The following PBX3 variants were observed in gnomAD, a reference collection of about 807,000 sequenced individuals.
The protein encoded by PBX3 is pre-B-cell leukemia transcription factor 3.
In PBX3, 14 loss-of-function variants were observed where a neutral mutation model predicts 48.5. The ratio of observed to expected loss-of-function variants is 0.29; its 90% confidence interval spans 0.19 to 0.45. The LOEUF is 0.45. Ranked by LOEUF, PBX3 falls within the 20% of genes least tolerant of loss-of-function variation. The probability of loss-of-function intolerance (pLI) is 1.00; values close to 1 mark genes in which losing one functional copy is unlikely to be tolerated. For synonymous variants in PBX3, 210 were observed against 200.3 expected (o/e 1.05, Z -0.41); for missense variants, 386 against 546.7 (o/e 0.71, Z 2.93).
intron 2 of PBX3, among the ~76,000 whole-genome samples, chr9:125,790,258 C>CTT (rs1215679857): frequency 6.7e-6 from 1 of 149,428 alleles, no homozygotes. Flanking sequence ...TTCTTTCTTT[C>CTT]TTTTTTTTTT....
In PBX3 at chr9:125,962,117, T is replaced by G. The variant is rs766971839; in HGVS notation, c.1025T>G (p.Phe342Cys). Residue 342 changes from phenylalanine (F) to cysteine (C), a missense_variant, in exon 7 of 9, where the codon TTT (phenylalanine) becomes TGT (cysteine). This residue lies in a region of PBX3 where 127 missense variants were observed against 143.3 expected (regional missense o/e 0.89). Coordinates refer to ENST00000373489, the MANE Select transcript of PBX3 (RefSeq NM_006195.6). ...TTPNSGSSGS[F>C]NLPNSGDMFM... The stretch of plus-strand genomic sequence containing the variant: ...TCCTTTCCAGGTTCTTCTGGTTCTT[T>G]TAACCTCCCAAATTCTGGGGACATG... The G allele has an allele frequency of 6.2e-7, 1 of 1,603,688 alleles. No homozygotes were observed. Among genetic ancestry groups the G allele is most frequent in the Non-Finnish European group, 8.5e-7 (1 of 1,170,500 alleles).
chr9:125,785,428 C>G (rs540483736), intron 2 of PBX3, among the ~76,000 whole-genome samples: 1 of 152,210 alleles, frequency 6.6e-6, no homozygotes, highest in South Asian at 2.1e-4. Context: ...TTCTCCCATG[C>G]TGGATGCTTC....
At chr9:125,763,914 A>C (rs746619734) in intron 2 of PBX3, among the ~76,000 whole-genome samples, 5 of 152,182 alleles carry the variant, frequency 3.3e-5, no homozygotes, top group Non-Finnish European at 7.4e-5. Context: ...TTTTTGTGGA[A>C]GCTTAAAAGG....
intron 2 of PBX3, among the ~76,000 whole-genome samples, chr9:125,850,224 C>T (rs1839541940): frequency 6.6e-6 from 1 of 151,912 alleles, no homozygotes; most frequent in South Asian, 2.1e-4. Context: ...AATTTTTGTT[C>T]TTATACCATC....
chr9:125,958,088 GGTA>G (rs1350870138), intron 5 of PBX3, among the ~76,000 whole-genome samples: 4 of 152,094 alleles, frequency 2.6e-5, no homozygotes, highest in East Asian at 3.8e-4. Context: ...ACATAATTCT[GGTA>G]TGGATTCTAA....
intron 2 of PBX3, among the ~76,000 whole-genome samples, chr9:125,795,969 AAG>A (rs949545395): frequency 2.6e-5 from 4 of 152,182 alleles, no homozygotes; most frequent in African/African-American, 9.7e-5. Flanking sequence ...GTAAGAGACT[AAG>A]AGTCCTCTTG....
intron 2 of PBX3, among the ~76,000 whole-genome samples, chr9:125,753,926 T>C (rs1007651553): frequency 6.6e-6 from 1 of 152,134 alleles, no homozygotes; most frequent in Admixed American, 6.5e-5. Context: ...AATTAACGTA[T>C]TAGTTGGATT....
chr9:125,961,991 T>C, intron 6 of PBX3, 111 bp from the exon 7 acceptor site: 1 of 585,034 alleles, frequency 1.7e-6, no homozygotes. Flanking sequence ...ATGCTTTATG[T>C]TGTGCACAGC....
chr9:125,940,010 C>T (rs1175284368), intron 5 of PBX3, among the ~76,000 whole-genome samples: 5 of 152,038 alleles, frequency 3.3e-5, no homozygotes, highest in Non-Finnish European at 7.4e-5. Flanking sequence ...GGAGAAACCC[C>T]GTCTCTACTA....
intron 2 of PBX3, among the ~76,000 whole-genome samples, chr9:125,784,650 A>G (rs1342303785): frequency 6.6e-6 from 1 of 152,170 alleles, no homozygotes; most frequent in Non-Finnish European, 1.5e-5. Flanking sequence ...TTCAGCTAGT[A>G]TTTTGATAGG....
chr9:125,819,608 A>G (rs1402007621), intron 2 of PBX3, among the ~76,000 whole-genome samples: 1 of 152,138 alleles, frequency 6.6e-6, no homozygotes, highest in Non-Finnish European at 1.5e-5. Context: ...AATACTACTG[A>G]TATCTTCCCT....
intron 2 of PBX3, among the ~76,000 whole-genome samples, chr9:125,880,291 C>T (rs1161810791): frequency 6.6e-6 from 1 of 152,214 alleles, no homozygotes; most frequent in African/African-American, 2.4e-5. Context: ...GATCCGCCTG[C>T]CTCGGCCTCC....
At chr9:125,892,530 T>G (rs1049364246) in intron 2 of PBX3, among the ~76,000 whole-genome samples, 2 of 152,232 alleles carry the variant, frequency 1.3e-5, no homozygotes, top group African/African-American at 2.4e-5. Flanking sequence ...TATAGTGATA[T>G]GAAGCTTATG....
At chr9:125,816,099 G>T (rs570521150) in intron 2 of PBX3, among the ~76,000 whole-genome samples, 1 of 152,180 alleles carries the variant, frequency 6.6e-6, no homozygotes, top group Admixed American at 6.5e-5. Context: ...CGACTGCCCG[G>T]GCTCAGGTGA....
At chr9:125,762,152 T>C (rs912218248) in intron 2 of PBX3, among the ~76,000 whole-genome samples, 9 of 152,218 alleles carry the variant, frequency 5.9e-5, no homozygotes, top group African/African-American at 2.2e-4. Context: ...TTTACGTACA[T>C]TGTTTTATTA....
At chr9:125,949,633 A>G (rs778906438) in intron 5 of PBX3, among the ~76,000 whole-genome samples, 1 of 152,230 alleles carries the variant, frequency 6.6e-6, no homozygotes, top group Non-Finnish European at 1.5e-5. Context: ...GAGGATAGGT[A>G]TACCCACTTT....
intron 2 of PBX3, among the ~76,000 whole-genome samples, chr9:125,853,370 A>AT (rs1294484644): frequency 2.6e-5 from 4 of 152,114 alleles, no homozygotes; most frequent in Non-Finnish European, 5.9e-5. Flanking sequence ...TAAAAAACAC[A>AT]TTTTTTTACT....
intron 5 of PBX3, among the ~76,000 whole-genome samples, chr9:125,954,016 G>A (rs2118780017): frequency 6.6e-6 from 1 of 152,326 alleles, no homozygotes; most frequent in South Asian, 2.1e-4. Flanking sequence ...CCAGAAAGTG[G>A]CTGTGATGGA....
At chr9:125,833,868 T>C (rs1213907034) in intron 2 of PBX3, among the ~76,000 whole-genome samples, 2 of 152,236 alleles carry the variant, frequency 1.3e-5, no homozygotes, top group Non-Finnish European at 2.9e-5. Flanking sequence ...TACCTTGGAA[T>C]GGGATTGCTA....
Sources: allele counts gnomAD v4.1 joint callset (sites outside exome capture counted in the v4.1 genomes callset), GRCh38; gene constraint gnomAD v4.1.1; regional missense constraint gnomAD v4.1.1; transcripts MANE v1.5; gene names NCBI Gene and HGNC (gene_info 2026-07-23, HGNC 2026-07-21).